The following PRKCH variants were observed in gnomAD, a reference collection of about 807,000 sequenced individuals.
PRKCH encodes protein kinase C eta type.
A neutral mutation model predicts 82.5 loss-of-function variants in PRKCH; 28 were observed. The observed-to-expected ratio is 0.34, with a 90% CI of 0.25 to 0.47. The LOEUF (loss-of-function observed/expected upper bound fraction) is 0.47. Ranked by LOEUF, PRKCH falls within the 20% of genes least tolerant of loss-of-function variation. PRKCH has a pLI of 1.00. For synonymous variants in PRKCH, 322 were observed against 327.4 expected, an observed-to-expected ratio of 0.98 and a Z score of 0.18; for missense variants, 705 against 881.8, an observed-to-expected ratio of 0.80 and a Z score of 2.54.
chr14:61,513,651 A>T (rs1482273462), intron 10 of PRKCH, among the ~76,000 whole-genome samples: 1 of 152,192 alleles, frequency 6.6e-6, no homozygotes, highest in African/African-American at 2.4e-5. Flanking sequence ...TTCCAAATAC[A>T]TATAAAACAG....
At chr14:61,351,546 C>T (rs1957903) in intron 1 of PRKCH, among the ~76,000 whole-genome samples, 2,318 of 152,270 alleles carry the variant, frequency 0.015, 51 homozygotes, top group African/African-American at 0.046. Context: ...TCTAAATACA[C>T]GAAAGCACGC....
intron 7 of PRKCH, among the ~76,000 whole-genome samples, chr14:61,456,373 A>G (rs1884767774): frequency 6.6e-6 from 1 of 152,206 alleles, no homozygotes; most frequent in African/African-American, 2.4e-5. Context: ...GTGGTGAAAA[A>G]GGGGAGATGC....
intron 10 of PRKCH, among the ~76,000 whole-genome samples, chr14:61,506,784 CA>C (rs539101371): frequency 4.1e-4 from 63 of 152,304 alleles, no homozygotes; most frequent in African/African-American, 1.5e-3. Flanking sequence ...AGAGGCCATC[CA>C]TGAAGCCTCT....
intron 1 of PRKCH, among the ~76,000 whole-genome samples, chr14:61,257,502 A>G (rs1404956795): frequency 6.6e-6 from 1 of 151,884 alleles, no homozygotes; most frequent in Non-Finnish European, 1.5e-5. Context: ...AGAAAATAAA[A>G]ACTCATTTTA....
chr14:61,272,354 T>C lies in PRKCH; in HGVS notation c.-19+84686T>C, dbSNP rs1462941819. ...TTTTCTTTTTTCTTTCTTTTTTTTT[T>C]TTTTTTTTTTTTTTTTTGAGACAGA... On this transcript the variant is annotated intron_variant, in intron 1 of 3. Coordinates refer to the PRKCH transcript ENST00000555185. Among the ~76,000 whole-genome samples the C allele has an allele frequency of 1.0e-3, 120 of 118,408 alleles. 4 individuals carry two copies. Among genetic ancestry groups the C allele is most frequent in the Admixed American group, 1.9e-3 (23 of 12,046 alleles). The allele number at this position is 118,408 out of a possible 152,430, so 77.7% of individuals were successfully genotyped here.
chr14:61,190,449 C>A (rs12436082), intron 1 of PRKCH, among the ~76,000 whole-genome samples: 1 of 151,994 alleles, frequency 6.6e-6, no homozygotes, highest in African/African-American at 2.4e-5. Context: ...AGTCCATTCT[C>A]TAAACAGCAG....
intron 1 of PRKCH, among the ~76,000 whole-genome samples, chr14:61,383,722 C>G (rs2046546169): frequency 6.6e-6 from 1 of 151,834 alleles, no homozygotes; most frequent in Admixed American, 6.6e-5. Context: ...TGAAGAGAGA[C>G]AGGTTTTCCA....
At chr14:61,236,029 C>A (rs59530993) in intron 1 of PRKCH, among the ~76,000 whole-genome samples, 7,359 of 152,238 alleles carry the variant, frequency 0.048, 258 homozygotes, top group East Asian at 0.12. Flanking sequence ...GGAATTCAGG[C>A]ATAATTGACC....
chr14:61,512,272 T>TTTTTA (rs869084487), intron 10 of PRKCH, among the ~76,000 whole-genome samples: 6 of 134,896 alleles, frequency 4.4e-5, no homozygotes, highest in Admixed American at 4.3e-4. Context: ...TTTTTTTTTT[T>TTTTTA]AAAGCAGGGC....
chr14:61,289,903 C>T (rs1481006274), intron 1 of PRKCH, among the ~76,000 whole-genome samples: 1 of 152,148 alleles, frequency 6.6e-6, no homozygotes, highest in African/African-American at 2.4e-5. Context: ...CCTCAGGTTT[C>T]CTAGTGGCCA....
intron 1 of PRKCH, among the ~76,000 whole-genome samples, chr14:61,244,235 C>T (rs986067572): frequency 1.2e-4 from 18 of 152,116 alleles, no homozygotes; most frequent in Admixed American, 2.0e-4. Context: ...GGTCAAAATA[C>T]AGCTGAACAA....
intron 1 of PRKCH, among the ~76,000 whole-genome samples, chr14:61,220,888 T>C (rs2044650761): frequency 6.6e-6 from 1 of 152,134 alleles, no homozygotes. Context: ...TTCTCACATT[T>C]TATTATATTT....
intron 1 of PRKCH, among the ~76,000 whole-genome samples, chr14:61,333,188 G>A (rs563861120): frequency 6.6e-6 from 1 of 152,228 alleles, no homozygotes; most frequent in Non-Finnish European, 1.5e-5. Context: ...GTTGAGAGCA[G>A]ATTCCATCTA....
chr14:61,252,660 T>C (rs1189373028), intron 1 of PRKCH, among the ~76,000 whole-genome samples: 2 of 152,216 alleles, frequency 1.3e-5, no homozygotes, highest in African/African-American at 2.4e-5. Context: ...ACAGTGTATA[T>C]GTAAGTTTAA....
At chr14:61,446,572 A>G (rs1884235720) in intron 4 of PRKCH, among the ~76,000 whole-genome samples, 1 of 152,268 alleles carries the variant, frequency 6.6e-6, no homozygotes, top group Non-Finnish European at 1.5e-5. Context: ...GATGGACTGA[A>G]TAAGACATAC....
intron 1 of PRKCH, among the ~76,000 whole-genome samples, chr14:61,273,437 G>A (rs2045175336): frequency 6.6e-6 from 1 of 152,116 alleles, no homozygotes; most frequent in Non-Finnish European, 1.5e-5. Context: ...GGAAAGCAAT[G>A]TTTATTTACA....
chr14:61,444,620 ACTCT>A (rs1021843217), intron 3 of PRKCH, among the ~76,000 whole-genome samples: 3 of 151,482 alleles, frequency 2.0e-5, no homozygotes, highest in African/African-American at 7.3e-5. Flanking sequence ...TCACCCTCAT[ACTCT>A]CTCTCTCACA....
chr14:61,389,966 T>A (rs1457579232), intron 1 of PRKCH, among the ~76,000 whole-genome samples: 1 of 152,096 alleles, frequency 6.6e-6, no homozygotes, highest in Non-Finnish European at 1.5e-5. Context: ...GTCTTCCTCT[T>A]CAGATGAAAG....
At chr14:61,322,655 T>G in intron 1 of PRKCH, 191 bp downstream of exon 1, 1 of 743,674 alleles carries the variant, frequency 1.3e-6, no homozygotes, top group Non-Finnish European at 2.1e-6. Context: ...CGCAGGTGTG[T>G]CTCCAGGAAG....
Sources: allele counts gnomAD v4.1 joint callset (sites outside exome capture counted in the v4.1 genomes callset), GRCh38; gene constraint gnomAD v4.1.1; transcripts MANE v1.5; gene names NCBI Gene and HGNC (gene_info 2026-07-23, HGNC 2026-07-21).